The following GRID2 variants were observed in gnomAD, a reference collection of about 807,000 sequenced individuals.
GRID2 encodes glutamate ionotropic receptor delta type subunit 2, also known as glutamate receptor ionotropic, delta-2.
A neutral mutation model predicts 114.8 loss-of-function variants in GRID2; 33 were observed. The ratio of observed to expected loss-of-function variants is 0.29; its 90% confidence interval spans 0.22 to 0.38. The LOEUF (loss-of-function observed/expected upper bound fraction) is 0.38. GRID2 is among the 10% of genes least tolerant of loss of function. The probability of loss-of-function intolerance (pLI) is 1.00; values close to 1 mark genes in which losing one functional copy is unlikely to be tolerated. For synonymous variants in GRID2, 505 were observed against 449.9 expected, an observed-to-expected ratio of 1.12 and a Z score of -1.55; for missense variants, 1,184 against 1,257.7, an observed-to-expected ratio of 0.94 and a Z score of 0.89.
At chr4:93,541,672 A>G (rs1422664749) in intron 13 of GRID2, among the ~76,000 whole-genome samples, 1 of 152,162 alleles carries the variant, frequency 6.6e-6, no homozygotes, top group African/African-American at 2.4e-5. Context: ...TCATTTTTCT[A>G]AAACCACTAG....
At chr4:92,509,889 T>G (rs1167246564) in intron 1 of GRID2, among the ~76,000 whole-genome samples, 1 of 151,842 alleles carries the variant, frequency 6.6e-6, no homozygotes, top group African/African-American at 2.4e-5. Flanking sequence ...TTCCAAGGGA[T>G]AAGGGAAGGC....
Position 93,427,341 on chromosome 4 carries a change from T to G in GRID2, c.1545+4373T>G, listed in dbSNP as rs1205867286. 2.6e-5 allele frequency among the ~76,000 whole-genome samples: 4 copies of G among 152,148 alleles called. No homozygotes were observed. The East Asian group carries it at 7.7e-4, about 29-fold the overall frequency. The stretch of plus-strand genomic sequence containing the variant: ...CTCCAGAAAAGCAAGCTTATTATTG[T>G]TATTATATCTTCTGATAATATACAT... On this transcript the variant is annotated intron_variant, in intron 10 of 15. Coordinates refer to ENST00000282020, the MANE Select transcript of GRID2 (RefSeq NM_001510.4).
At chr4:92,700,371 AAACTT>A (rs1734608354) in intron 2 of GRID2, among the ~76,000 whole-genome samples, 1 of 152,186 alleles carries the variant, frequency 6.6e-6, no homozygotes, top group African/African-American at 2.4e-5. Flanking sequence ...AACCATGCTG[AAACTT>A]CTACTACCAG....
intron 2 of GRID2, among the ~76,000 whole-genome samples, chr4:92,962,909 G>A (rs1272027910): frequency 1.3e-5 from 2 of 151,908 alleles, no homozygotes; most frequent in African/African-American, 4.8e-5. Flanking sequence ...TTGCCTTAGA[G>A]ACATTGAAGG....
intron 2 of GRID2, among the ~76,000 whole-genome samples, chr4:92,957,021 T>G (rs1034855293): frequency 6.6e-6 from 1 of 152,160 alleles, no homozygotes; most frequent in Non-Finnish European, 1.5e-5. Context: ...TTGTTGAATT[T>G]TAAGCATTCC....
At chr4:93,439,468 C>T (rs576002487) in intron 10 of GRID2, among the ~76,000 whole-genome samples, 1 of 152,102 alleles carries the variant, frequency 6.6e-6, no homozygotes, top group Admixed American at 6.6e-5. Context: ...TTTGTGGTAC[C>T]TGAGGAACAT....
At chr4:92,877,579 G>A (rs1745723642) in intron 2 of GRID2, among the ~76,000 whole-genome samples, 1 of 152,100 alleles carries the variant, frequency 6.6e-6, no homozygotes, top group Non-Finnish European at 1.5e-5. Flanking sequence ...AGTTATCCAG[G>A]TCAGCATCAG....
At chr4:93,434,163 T>C (rs1169554461) in intron 10 of GRID2, among the ~76,000 whole-genome samples, 1 of 152,196 alleles carries the variant, frequency 6.6e-6, no homozygotes, top group African/African-American at 2.4e-5. Context: ...TAGATCTTGT[T>C]GTATTTGTTG....
At chr4:92,611,471 ACCT>A (rs955872698) in intron 2 of GRID2, among the ~76,000 whole-genome samples, 3 of 151,344 alleles carry the variant, frequency 2.0e-5, no homozygotes, top group African/African-American at 7.3e-5. Flanking sequence ...AACCTTAATT[ACCT>A]CCTTAGAGGC....
At chr4:92,397,208 A>C (rs2110272226) in intron 1 of GRID2, among the ~76,000 whole-genome samples, 1 of 152,204 alleles carries the variant, frequency 6.6e-6, no homozygotes, top group African/African-American at 2.4e-5. Flanking sequence ...TTCCACAAAT[A>C]TTTTATATAA....
intron 1 of GRID2, among the ~76,000 whole-genome samples, chr4:92,430,662 T>C (rs1470724714): frequency 6.6e-6 from 1 of 152,196 alleles, no homozygotes; most frequent in Non-Finnish European, 1.5e-5. Flanking sequence ...GGTATATTGA[T>C]AGGGATTGCA....
At chr4:92,907,905 C>A (rs1001552718) in intron 2 of GRID2, among the ~76,000 whole-genome samples, 9 of 152,160 alleles carry the variant, frequency 5.9e-5, no homozygotes, top group African/African-American at 2.2e-4. Flanking sequence ...CGCTTACAAT[C>A]CCAGCTACTC....
At chr4:93,443,546 T>C (rs542461639) in intron 10 of GRID2, among the ~76,000 whole-genome samples, 1 of 152,090 alleles carries the variant, frequency 6.6e-6, no homozygotes, top group African/African-American at 2.4e-5. Flanking sequence ...AACTCCACAA[T>C]TTGTTCACCT....
chr4:93,279,003 C>A (rs1329089119), intron 8 of GRID2, among the ~76,000 whole-genome samples: 2 of 151,744 alleles, frequency 1.3e-5, no homozygotes, highest in African/African-American at 4.8e-5. Flanking sequence ...TTTTAACAAC[C>A]GCTTTTAAGT....
intron 5 of GRID2, among the ~76,000 whole-genome samples, chr4:93,214,963 A>G (rs1744016885): frequency 6.6e-6 from 1 of 152,064 alleles, no homozygotes; most frequent in African/African-American, 2.4e-5. Context: ...AATTCATCCT[A>G]TGAGTAGAGT....
At chr4:93,478,102 T>A (rs1183946965) in intron 11 of GRID2, among the ~76,000 whole-genome samples, 1 of 152,052 alleles carries the variant, frequency 6.6e-6, no homozygotes, top group African/African-American at 2.4e-5. Context: ...CAATGGGCTC[T>A]TTTTTTCCCT....
At chr4:92,800,426 A>G (rs748185887) in intron 2 of GRID2, among the ~76,000 whole-genome samples, 1 of 152,022 alleles carries the variant, frequency 6.6e-6, no homozygotes, top group Non-Finnish European at 1.5e-5. Flanking sequence ...AGAAGGAATC[A>G]AGGTTGTAGA....
chr4:93,291,678 T>C (rs1475335520), intron 8 of GRID2, among the ~76,000 whole-genome samples: 3 of 152,338 alleles, frequency 2.0e-5, no homozygotes, highest in East Asian at 3.9e-4. Flanking sequence ...ATTTTGTTAG[T>C]GTGACAAACT....
At chr4:92,528,609 A>G (rs1197276049) in intron 1 of GRID2, among the ~76,000 whole-genome samples, 2 of 151,958 alleles carry the variant, frequency 1.3e-5, no homozygotes, top group African/African-American at 4.8e-5. Context: ...TGGGGAAGAA[A>G]TGTTTGACTG....
Sources: gnomAD v4.1 joint callset for allele counts (sites outside exome capture counted in the v4.1 genomes callset) on GRCh38, gnomAD v4.1.1 for gene constraint, MANE v1.5 for transcripts, NCBI Gene and HGNC (gene_info 2026-07-23, HGNC 2026-07-21) for gene names.